The following ADGRB3 variants were observed in gnomAD, a reference collection of about 807,000 sequenced individuals.
ADGRB3 encodes the protein adhesion G protein-coupled receptor B3.
In ADGRB3, 37 loss-of-function variants were observed where a neutral mutation model predicts 193.4. The ratio of observed to expected loss-of-function variants is 0.19; its 90% CI spans 0.15 to 0.25. ADGRB3 has a LOEUF of 0.25. ADGRB3 is among the 10% of genes least tolerant of loss of function. The probability of loss-of-function intolerance (pLI) is 1.00; values close to 1 mark genes in which losing one functional copy is unlikely to be tolerated. For synonymous variants in ADGRB3, 690 were observed against 644.2 expected (o/e 1.07, Z -1.08); for missense variants, 1,637 against 1,852.9 (o/e 0.88, Z 2.14).
intron 26 of ADGRB3, 55 bp downstream of exon 26, chr6:69,339,559 C>A: frequency 6.5e-7 from 1 of 1,534,964 alleles, no homozygotes; most frequent in Non-Finnish European, 8.9e-7. Context: ...TATTTCCTTG[C>A]TAAAAAGAAT....
At chr6:69,204,731 A>G (rs1765499694) in intron 17 of ADGRB3, among the ~76,000 whole-genome samples, 1 of 152,126 alleles carries the variant, frequency 6.6e-6, no homozygotes, top group African/African-American at 2.4e-5. Context: ...TCCTATTGCC[A>G]CCGTTAATTG....
At chr6:68,638,568 T>G in intron 2 of ADGRB3, 93 bp from the exon 3 acceptor site, 1 of 1,296,652 alleles carries the variant, frequency 7.7e-7, no homozygotes, top group South Asian at 1.8e-5. Flanking sequence ...TACTGAAATC[T>G]TGAAAACAGC....
chr6:68,863,244 G>T (rs1269126068), intron 3 of ADGRB3, among the ~76,000 whole-genome samples: 1 of 151,888 alleles, frequency 6.6e-6, no homozygotes, highest in Non-Finnish European at 1.5e-5. Context: ...GATACTTTAT[G>T]TTATTCAAAT....
intron 3 of ADGRB3, among the ~76,000 whole-genome samples, chr6:68,889,628 G>A (rs376486796): frequency 1.8e-4 from 27 of 151,638 alleles, no homozygotes; most frequent in Non-Finnish European, 3.1e-4. Flanking sequence ...TCAGCCTCCT[G>A]AGTACCTGGG....
At chr6:68,680,286 A>G (rs1424278160) in intron 3 of ADGRB3, among the ~76,000 whole-genome samples, 4 of 152,130 alleles carry the variant, frequency 2.6e-5, no homozygotes, top group Non-Finnish European at 5.9e-5. Context: ...AGAAGGAAAA[A>G]AAAACCAATA....
chr6:69,019,115 A>G (rs193135308), intron 13 of ADGRB3, among the ~76,000 whole-genome samples: 16 of 152,022 alleles, frequency 1.1e-4, no homozygotes, highest in Admixed American at 8.5e-4. Context: ...CAAATGACAC[A>G]CTTCTCTTTG....
At chr6:68,825,971 G>A (rs997810064) in intron 3 of ADGRB3, among the ~76,000 whole-genome samples, 1 of 150,894 alleles carries the variant, frequency 6.6e-6, no homozygotes, top group Admixed American at 6.6e-5. Flanking sequence ...TATCCACTCT[G>A]GTGTTCAGTT....
chr6:69,297,416 A>ATCTCTCTCTCTCTCTCTCTC (rs1767853496), intron 20 of ADGRB3, among the ~76,000 whole-genome samples: 3 of 135,086 alleles, frequency 2.2e-5, no homozygotes, highest in Admixed American at 7.8e-5. Context: ...CTCTCTATAT[A>ATCTCTCTCTCTCTCTCTCTC]TATATATATA....
intron 8 of ADGRB3, among the ~76,000 whole-genome samples, chr6:68,958,286 G>GT (rs1277967060): frequency 6.6e-6 from 1 of 152,158 alleles, no homozygotes; most frequent in Non-Finnish European, 1.5e-5. Flanking sequence ...ATGCAGGGTT[G>GT]TTAAGAGGAT....
intron 11 of ADGRB3, among the ~76,000 whole-genome samples, chr6:69,004,143 T>C (rs1250282085): frequency 1.3e-5 from 2 of 152,188 alleles, no homozygotes; most frequent in Non-Finnish European, 2.9e-5. Flanking sequence ...TTTTAAAAAG[T>C]TTTTATTGAA....
intron 3 of ADGRB3, among the ~76,000 whole-genome samples, chr6:68,853,784 A>C (rs1768453768): frequency 6.6e-6 from 1 of 152,162 alleles, no homozygotes; most frequent in Non-Finnish European, 1.5e-5. Context: ...AGAATGATTG[A>C]AATCACATGT....
intron 20 of ADGRB3, among the ~76,000 whole-genome samples, chr6:69,254,870 A>G: frequency 1.3e-5 from 1 of 77,486 alleles, no homozygotes; most frequent in Admixed American, 2.0e-4. Flanking sequence ...CCCCCACCCC[A>G]CAACAGTCCC....
At chr6:69,307,272 C>T (rs1415485449) in intron 20 of ADGRB3, among the ~76,000 whole-genome samples, 2 of 151,330 alleles carry the variant, frequency 1.3e-5, no homozygotes, top group Non-Finnish European at 3.0e-5. Flanking sequence ...ACATTGCAAC[C>T]GACTTAAAGA....
At chr6:68,961,096 A>T (rs1035844610) in intron 8 of ADGRB3, among the ~76,000 whole-genome samples, 1 of 152,188 alleles carries the variant, frequency 6.6e-6, no homozygotes, top group African/African-American at 2.4e-5. Flanking sequence ...TAATGAAAAC[A>T]CAATTCATTT....
intron 17 of ADGRB3, among the ~76,000 whole-genome samples, chr6:69,225,548 G>T (rs1208530597): frequency 6.6e-6 from 1 of 152,152 alleles, no homozygotes; most frequent in Non-Finnish European, 1.5e-5. Context: ...CCAGGTAGAT[G>T]TCCTTAGGAA....
At chr6:68,730,390 A>G (rs12206940) in intron 3 of ADGRB3, among the ~76,000 whole-genome samples, 59,652 of 151,264 alleles carry the variant, frequency 0.39, 12,271 homozygotes, top group East Asian at 0.64. Flanking sequence ...AAACCATGAA[A>G]CCTCATTCCT....
chr6:68,683,330 C>T (rs1306485814), intron 3 of ADGRB3, among the ~76,000 whole-genome samples: 3 of 152,048 alleles, frequency 2.0e-5, no homozygotes, highest in Non-Finnish European at 4.4e-5. Context: ...AGCACCCAAA[C>T]ATCTGGCAAT....
intron 17 of ADGRB3, among the ~76,000 whole-genome samples, chr6:69,149,924 C>CTG (rs1167142377): frequency 0.2 from 25,349 of 128,552 alleles, 2,428 homozygotes; most frequent in Non-Finnish European, 0.22. Context: ...GTCTGTCTTT[C>CTG]TGTGTGTGTG....
chr6:68,807,035 A>AAC lies in ADGRB3; in HGVS notation c.758-123520_758-123519dup, dbSNP rs537803730. Reference sequence around the variant, plus strand: ...GTTATATTGCCAACAGCAATGATGTAACACAACTTAACTTTTAAAAATATT... The same window carrying AAC: ...GTTATATTGCCAACAGCAATGATGTAACACACAACTTAACTTTTAAAAATATT... On this transcript the variant is annotated intron_variant, in intron 3 of 31. Transcript: ENST00000370598. Among the ~76,000 whole-genome samples the AAC allele has an allele frequency of 2.0e-5, 3 of 152,134 alleles. No homozygotes were observed. In the South Asian group the frequency reaches 6.2e-4, roughly 31 times the overall value.
Sources: allele counts gnomAD v4.1 joint callset (sites outside exome capture counted in the v4.1 genomes callset), GRCh38; gene constraint gnomAD v4.1.1; transcripts MANE v1.5; gene names NCBI Gene and HGNC (gene_info 2026-07-23, HGNC 2026-07-21).